KCNH5: variants seen among roughly 807,000 people sequenced by gnomAD.
KCNH5 encodes the protein voltage-gated delayed rectifier potassium channel KCNH5.
KCNH5 carries 46 observed loss-of-function variants against 96.1 expected under a neutral mutation model. The ratio of observed to expected loss-of-function variants is 0.48; its 90% CI spans 0.38 to 0.61. KCNH5 has a LOEUF of 0.61. Ranked by LOEUF, KCNH5 falls within the 20% of genes least tolerant of loss-of-function variation. KCNH5 has a pLI of 0.00. For synonymous variants in KCNH5, 439 were observed against 449.8 expected (o/e 0.98, Z 0.30); for missense variants, 907 against 1,225.8 (o/e 0.74, Z 3.88).
chr14:62,930,213 C>A (rs1889554836), intron 7 of KCNH5, among the ~76,000 whole-genome samples: 1 of 152,098 alleles, frequency 6.6e-6, no homozygotes, highest in Admixed American at 6.6e-5. Flanking sequence ...CCCCAAAATG[C>A]TCTCCACAGT....
chr14:62,909,472 G>T (rs1889107792), intron 7 of KCNH5, among the ~76,000 whole-genome samples: 1 of 152,140 alleles, frequency 6.6e-6, no homozygotes, highest in South Asian at 2.1e-4. Flanking sequence ...ATCAAATCTA[G>T]CTTTTTATTA....
In KCNH5 at chr14:62,954,473, T is replaced by C. The variant is rs543603030; in HGVS notation, c.943-3914A>G. On this transcript the variant is annotated intron_variant, in intron 6 of 10. Transcript: ENST00000322893. ...TGGTAATATGTTAAGCAGCCAATAA[T>C]TCAATAAATGAAAGAATAAACTTTT... 1.1e-4 allele frequency among the ~76,000 whole-genome samples: 17 copies of C among 152,322 alleles called. 1 individual carries two copies. In the South Asian group the frequency reaches 2.7e-3, roughly 24 times the overall value.
intron 1 of KCNH5, among the ~76,000 whole-genome samples, chr14:63,027,835 CTTTT>C (rs901227969): frequency 6.6e-6 from 1 of 151,874 alleles, no homozygotes; most frequent in Non-Finnish European, 1.5e-5. Context: ...GTTTTTCAAA[CTTTT>C]TTTATTAAAG....
At chr14:63,019,003 A>G (rs1236424210) in intron 1 of KCNH5, among the ~76,000 whole-genome samples, 1 of 152,114 alleles carries the variant, frequency 6.6e-6, no homozygotes, top group Admixed American at 6.6e-5. Flanking sequence ...AAACACATCA[A>G]TACAAGCTAT....
intron 8 of KCNH5, among the ~76,000 whole-genome samples, chr14:62,826,105 A>G (rs1887218662): frequency 6.6e-6 from 1 of 152,134 alleles, no homozygotes; most frequent in Admixed American, 6.6e-5. Context: ...GTGATGTCTT[A>G]AAGTATTATA....
At chr14:62,895,216 T>C (rs1566698773) in intron 7 of KCNH5, among the ~76,000 whole-genome samples, 1 of 152,234 alleles carries the variant, frequency 6.6e-6, no homozygotes. Context: ...AATTTTTTTA[T>C]GCACCTAGGA....
chr14:62,824,963 A>T (rs243164), intron 8 of KCNH5, among the ~76,000 whole-genome samples: 2 of 151,832 alleles, frequency 1.3e-5, no homozygotes, highest in African/African-American at 2.4e-5. Flanking sequence ...ATGGCTGTAT[A>T]GTTTCCCATG....
intron 8 of KCNH5, among the ~76,000 whole-genome samples, chr14:62,835,429 G>C (rs546301529): frequency 1.3e-5 from 2 of 151,946 alleles, no homozygotes; most frequent in Non-Finnish European, 2.9e-5. Context: ...AAAAAATTAT[G>C]AGATTAAACA....
intron 4 of KCNH5, among the ~76,000 whole-genome samples, chr14:62,989,691 T>C (rs1890774972): frequency 6.6e-6 from 1 of 152,116 alleles, no homozygotes; most frequent in African/African-American, 2.4e-5. Context: ...ATAGCCACTC[T>C]TGCTAAACTC....
chr14:62,916,186 T>G (rs1397483564), intron 7 of KCNH5, among the ~76,000 whole-genome samples: 2 of 152,032 alleles, frequency 1.3e-5, no homozygotes, highest in Non-Finnish European at 2.9e-5. Context: ...TCTCCTGACC[T>G]CGTGATCTGC....
intron 7 of KCNH5, among the ~76,000 whole-genome samples, chr14:62,939,824 C>A (rs1889754672): frequency 6.6e-6 from 1 of 151,944 alleles, no homozygotes; most frequent in Non-Finnish European, 1.5e-5. Flanking sequence ...CCCGTAACCC[C>A]AGTTACTTGG....
At chr14:63,039,106 C>T (rs1469846454) in intron 1 of KCNH5, among the ~76,000 whole-genome samples, 1 of 151,956 alleles carries the variant, frequency 6.6e-6, no homozygotes, top group Non-Finnish European at 1.5e-5. Context: ...TACTTTAAGA[C>T]ATGTTTCAAT....
At chr14:62,806,179 G>A (rs906315072) in intron 8 of KCNH5, among the ~76,000 whole-genome samples, 2 of 152,042 alleles carry the variant, frequency 1.3e-5, no homozygotes, top group African/African-American at 4.8e-5. Flanking sequence ...ATCCAATATG[G>A]TCTAAAAAGG....
At chr14:62,848,660 CCTAA>C (rs887595240) in intron 8 of KCNH5, among the ~76,000 whole-genome samples, 8 of 152,268 alleles carry the variant, frequency 5.3e-5, no homozygotes, top group Admixed American at 4.6e-4. Context: ...ATGAAATTCT[CCTAA>C]CTAAACATCT....
chr14:62,988,426 T>C (rs1890750028), intron 4 of KCNH5, among the ~76,000 whole-genome samples: 1 of 152,118 alleles, frequency 6.6e-6, no homozygotes, highest in Admixed American at 6.6e-5. Context: ...CTGCCTAATA[T>C]CTGTCAAACC....
chr14:63,035,628 G>T (rs1891708466), intron 1 of KCNH5, among the ~76,000 whole-genome samples: 1 of 152,152 alleles, frequency 6.6e-6, no homozygotes. Flanking sequence ...TAGGCAGTAG[G>T]TTTTTGTTTG....
Position 62,708,329 on chromosome 14 carries a change from G to A in KCNH5, c.2146C>T (p.Gln716Ter), listed in dbSNP as rs1311760972. The change falls in exon 11 of 11, where the codon CAG (glutamine) becomes TAG (stop). Residue 716 changes from glutamine (Q) to a stop codon, truncating the protein, a stop_gained. Transcript: ENST00000322893. LOFTEE classifies it high-confidence loss of function. ...VRKLFQKFKQ[Q>*]KELRNQGSTQ... ...GAGCCCTGATTCCGCAGCTCCTTCT[G>A]CTGCTTGAACTTCTGGAAGAGCTTT... is the stretch of plus-strand genomic sequence containing the variant. The A allele has an allele frequency of 6.2e-6, 10 of 1,614,122 alleles. No individual in the cohort carries two copies. Among genetic ancestry groups the A allele is most frequent in the Non-Finnish European group, 8.5e-6 (10 of 1,180,028 alleles).
chr14:62,997,813 T>C (rs1428158241), intron 4 of KCNH5, among the ~76,000 whole-genome samples: 2 of 140,658 alleles, frequency 1.4e-5, no homozygotes, highest in African/African-American at 5.5e-5. Flanking sequence ...GGCAGGAGAA[T>C]GGCATGAACC....
At chr14:62,782,703 C>T (rs969287880) in intron 9 of KCNH5, among the ~76,000 whole-genome samples, 9 of 151,906 alleles carry the variant, frequency 5.9e-5, no homozygotes, top group East Asian at 1.9e-4. Context: ...CCTAGCTACT[C>T]GGGAGGCTGA....
Sources: gnomAD v4.1 joint callset for allele counts (sites outside exome capture counted in the v4.1 genomes callset) on GRCh38, gnomAD v4.1.1 for gene constraint, MANE v1.5 for transcripts, NCBI Gene and HGNC (gene_info 2026-07-23, HGNC 2026-07-21) for gene names.